Variants in USP34 observed in about 807,000 individuals in gnomAD.
USP34 encodes ubiquitin carboxyl-terminal hydrolase 34.
Under a neutral mutation model 460.3 loss-of-function variants are expected in USP34, and 70 were observed. That is an observed-to-expected ratio of 0.15 (90% CI 0.13 to 0.19). The LOEUF is 0.19. USP34 is among the 10% of genes least tolerant of loss of function. The pLI is 1.00. For missense variants in USP34, 3,985 were observed against 4,236.2 expected (o/e 0.94, Z 1.65); for synonymous variants, 1,647 against 1,405.3 (o/e 1.17, Z -3.85).
intron 71 of USP34, 149 bp downstream of exon 71, chr2:61,206,611 C>A: frequency 1.9e-6 from 2 of 1,038,888 alleles, no homozygotes; most frequent in South Asian, 3.8e-5. Context: ...GAGTTCATGA[C>A]AAACATTTCC....
chr2:61,267,923 T>A (rs1452538100), intron 41 of USP34, among the ~76,000 whole-genome samples: 1 of 151,078 alleles, frequency 6.6e-6, no homozygotes, highest in Admixed American at 6.6e-5. Context: ...CCCAGTTAAT[T>A]TTTTGTATTT....
chr2:61,206,163 A>T, intron 71 of USP34, 39 bp from the exon 72 acceptor site: 1 of 1,533,050 alleles, frequency 6.5e-7, no homozygotes, highest in South Asian at 1.1e-5. Context: ...GCCATCTGAG[A>T]TCAAACTTCC....
At chr2:61,403,775 C>G (rs1367250902) in intron 3 of USP34, among the ~76,000 whole-genome samples, 1 of 151,900 alleles carries the variant, frequency 6.6e-6, no homozygotes, top group African/African-American at 2.4e-5. Context: ...ATCACAAGGC[C>G]AGGAGATCGA....
chr2:61,324,870 G>A (rs752313182), intron 21 of USP34, among the ~76,000 whole-genome samples: 35 of 151,966 alleles, frequency 2.3e-4, no homozygotes, highest in Non-Finnish European at 4.7e-4. Context: ...TCTAAATGTT[G>A]GTATAATTTA....
intron 16 of USP34, among the ~76,000 whole-genome samples, chr2:61,342,496 G>A (rs1422150735): frequency 6.6e-6 from 1 of 151,072 alleles, no homozygotes; most frequent in Admixed American, 6.6e-5. Context: ...ATTTTTAGTA[G>A]GGATGGGGTT....
In USP34 at chr2:61,381,252, T is replaced by TA. The variant is rs1436004041; in HGVS notation, c.822-892dup. The stretch of plus-strand genomic sequence containing the variant: ...AAAAAATAAACAAAAAATGTAAAAC[T>TA]AAAAAAAAATAAAACACACACACAC... On this transcript the variant is annotated intron_variant, in intron 6 of 79. Transcript: ENST00000398571. Among the ~76,000 whole-genome samples the TA allele has an allele frequency of 4.7e-5, 6 of 127,414 alleles. No individual in the cohort carries two copies. In the East Asian group the frequency reaches 6.5e-4, roughly 14 times the overall value. 83.6% of individuals were successfully genotyped at this position (127,414 alleles called of 152,430 possible). A position where few individuals can be genotyped will look rare whatever the true frequency, so the allele number is the denominator to read the frequency against.
intron 6 of USP34, among the ~76,000 whole-genome samples, chr2:61,382,912 C>T (rs1339386115): frequency 6.6e-6 from 1 of 152,198 alleles, no homozygotes; most frequent in Non-Finnish European, 1.5e-5. Flanking sequence ...TGTAAACAGA[C>T]TGCACAAGAG....
intron 5 of USP34, among the ~76,000 whole-genome samples, chr2:61,391,050 A>G (rs993417052): frequency 6.6e-6 from 1 of 151,946 alleles, no homozygotes; most frequent in African/African-American, 2.4e-5. Context: ...AGCAGGGATC[A>G]TACCACTGCA....
rs1187600391 is a variant in USP34, at chr2:61,370,547, A to G, written c.1109T>C (p.Ile370Thr). 1 of 1,613,826 alleles carries G rather than the reference A, an allele frequency of 6.2e-7. No homozygotes were observed. Among genetic ancestry groups the G allele is most frequent in the Non-Finnish European group, 8.5e-7 (1 of 1,179,950 alleles). ...TATATGCTCCACCACATTGTTGCTA[A>G]TAAGCCAGTCTGCAAGTTCTTTTGC... ...SIAKELADWL[I>T]SNNVVEHIFG... Residue 370 changes from isoleucine (I) to threonine (T), a missense_variant, in exon 9 of 80, where the codon ATT becomes ACT. Physicochemically the swap from Ile to Thr is moderately conservative, Grantham distance 89. Transcript: ENST00000398571.
Position 61,244,619 on chromosome 2 carries a change from CAAA to C in USP34, c.6627+588_6627+590del, listed in dbSNP as rs61343219. Reference sequence around the variant, plus strand: ...ACACAGCAAGAATCCGACTTGGGGGCAAAAAAAAAAAAAAAAAGTCTTTTCTCA... The same window carrying C: ...ACACAGCAAGAATCCGACTTGGGGGCAAAAAAAAAAAAAAGTCTTTTCTCA... On this transcript the variant is annotated intron_variant, in intron 51 of 79. Coordinates refer to ENST00000398571, the MANE Select transcript of USP34 (RefSeq NM_014709.4). 3.8e-3 allele frequency among the ~76,000 whole-genome samples: 461 copies of C among 122,684 alleles called. 1 individual carries two copies. The highest frequency in any genetic ancestry group is 7.4e-3 in the African/African-American group (221 of 29,712). 80.5% of individuals were successfully genotyped at this position (122,684 alleles called of 152,430 possible). A position where few individuals can be genotyped will look rare whatever the true frequency, so the allele number is the denominator to read the frequency against.
intron 64 of USP34, 29 bp from the exon 65 acceptor site, chr2:61,222,692 T>A: frequency 6.2e-7 from 1 of 1,603,552 alleles, no homozygotes; most frequent in Non-Finnish European, 8.5e-7. Flanking sequence ...GATTTCAGGA[T>A]ATTCTTGTTT....
At chr2:61,305,307 T>C (rs1457535173) in intron 27 of USP34, among the ~76,000 whole-genome samples, 2 of 150,714 alleles carry the variant, frequency 1.3e-5, no homozygotes, top group Admixed American at 1.3e-4. Context: ...TGGGCAACAG[T>C]GCGAGACTCA....
At chr2:61,379,604 T>G (rs1220103869) in intron 7 of USP34, among the ~76,000 whole-genome samples, 1 of 152,220 alleles carries the variant, frequency 6.6e-6, no homozygotes, top group Non-Finnish European at 1.5e-5. Context: ...GAAAGCATAT[T>G]CATTCTGAGG....
chr2:61,223,436 T>C (rs1687645504), intron 62 of USP34, 140 bp from the exon 63 acceptor site: 2 of 849,458 alleles, frequency 2.4e-6, no homozygotes, highest in African/African-American at 1.7e-5. Context: ...GCTAGCTACA[T>C]TTGCTTGCTA....
At chr2:61,220,516 C>T in intron 66 of USP34, 59 bp from the exon 67 acceptor site, 2 of 1,485,440 alleles carry the variant, frequency 1.3e-6, no homozygotes, top group South Asian at 2.8e-5. Flanking sequence ...ATTACTTTTA[C>T]TTACTTTTTG....
chr2:61,383,117 G>A, intron 6 of USP34, 152 bp downstream of exon 6: 1 of 439,626 alleles, frequency 2.3e-6, no homozygotes, highest in Non-Finnish European at 4.1e-6. Flanking sequence ...ATCCATATAT[G>A]TGCATAAAAA....
intron 15 of USP34, among the ~76,000 whole-genome samples, chr2:61,347,307 A>G (rs547567995): frequency 1.2e-4 from 19 of 152,368 alleles, no homozygotes; most frequent in African/African-American, 3.6e-4. Context: ...TACTTATTAC[A>G]TGTGTAAATG....
At chr2:61,447,085 T>C (rs535666106) in intron 1 of USP34, among the ~76,000 whole-genome samples, 71 of 151,534 alleles carry the variant, frequency 4.7e-4, no homozygotes, top group African/African-American at 1.5e-3. Context: ...TGAAACACTG[T>C]CTCTACTAAA....
At chr2:61,195,985 C>A (rs1686791968) in intron 75 of USP34, among the ~76,000 whole-genome samples, 1 of 151,510 alleles carries the variant, frequency 6.6e-6, no homozygotes, top group African/African-American at 2.4e-5. Flanking sequence ...CAGCTCACTG[C>A]AACCTCCGCC....
Sources: gnomAD v4.1 joint callset for allele counts (sites outside exome capture counted in the v4.1 genomes callset) on GRCh38, gnomAD v4.1.1 for gene constraint, MANE v1.5 for transcripts, NCBI Gene and HGNC (gene_info 2026-07-23, HGNC 2026-07-21) for gene names.